Variants in AMER3 observed in about 807,000 individuals in gnomAD.
The protein encoded by AMER3 is APC membrane recruitment protein 3, also known as family with sequence similarity 123C.
For missense variants in AMER3, 1,201 were observed against 1,139.4 expected (o/e 1.05, Z -0.78); for synonymous variants, 541 against 485.5 (o/e 1.11, Z -1.50).
At chr2:130,756,171 C>T (rs1678600800) in intron 1 of AMER3, 1 of 147,954 alleles carries the variant, frequency 6.8e-6, no homozygotes, top group Non-Finnish European at 1.5e-5. Flanking sequence ...CCGGCCCGCC[C>T]CTCCCGCTGG....
chr2:130,761,527 T>C (rs1220300538), intron 1 of AMER3, among the ~76,000 whole-genome samples: 1 of 152,212 alleles, frequency 6.6e-6, no homozygotes, highest in Non-Finnish European at 1.5e-5. Context: ...GATAGAGTCT[T>C]GCCTCCCTGC....
rs1366163706 is a variant in AMER3, at chr2:130,763,298, C to T, written c.1226C>T (p.Ala409Val). ...GAAGCTGAGAGCCCAGGCACTCCTG[C>T]CGCCACCTTCCCACGGGACAGCTAC... ...KKEAESPGTPAATFPRDSYSG... is the reference protein window; with the variant it reads ...KKEAESPGTPVATFPRDSYSG... The change falls in exon 2 of 2, where the codon GCC becomes GTC. Residue 409 changes from alanine to valine, a missense_variant. Ala to Val is a moderately conservative substitution (Grantham distance 64, BLOSUM62 0). Transcript: ENST00000321420. The T allele has an allele frequency of 5.6e-6, 9 of 1,613,754 alleles. No homozygotes were observed. Among genetic ancestry groups the T allele is most frequent in the Non-Finnish European group, 7.6e-6 (9 of 1,180,030 alleles).
chr2:130,764,760 G>A lies in AMER3; in HGVS notation c.*102G>A. On this transcript the variant is annotated 3_prime_UTR_variant, in exon 2 of 2. Coordinates refer to ENST00000321420, the MANE Select transcript of AMER3 (RefSeq NM_152698.3). ...CTTTTGTCCCTGATGTGGGGACTGT[G>A]TTGGGGGTGGGGGGTGGCAGGACTC... The A allele has an allele frequency of 1.5e-6, 2 of 1,343,640 alleles. No individual in the cohort carries two copies. The highest frequency in any genetic ancestry group is 2.0e-6 in the Non-Finnish European group (2 of 1,001,434). 83.2% of individuals were successfully genotyped at this position (1,343,640 alleles called of 1,614,324 possible). A position where few individuals can be genotyped will look rare whatever the true frequency, so the allele number is the denominator to read the frequency against.
At chr2:130,757,265 T>C (rs1235450066) in intron 1 of AMER3, among the ~76,000 whole-genome samples, 1 of 152,176 alleles carries the variant, frequency 6.6e-6, no homozygotes, top group Non-Finnish European at 1.5e-5. Flanking sequence ...ATTTGCCCAA[T>C]TTGCAATAAA....
Position 130,764,116 on chromosome 2 carries a change from G to A in AMER3, c.2044G>A (p.Ala682Thr), listed in dbSNP as rs773878083. ...GGCAGGCTGTGTGGCCCGTGTGGCAGCCCTGAAGATCAGCTCAAACGAACA... is the reference window on the plus strand; with the variant it reads ...GGCAGGCTGTGTGGCCCGTGTGGCAACCCTGAAGATCAGCTCAAACGAACA... The part of the protein sequence containing the change: ...MLAGCVARVA[A>T]LKISSNEQPP... Residue 682 changes from alanine (A) to threonine (T), a missense_variant, in exon 2 of 2, where the codon GCC becomes ACC. Coordinates refer to ENST00000321420, the MANE Select transcript of AMER3 (RefSeq NM_152698.3). 6 of 1,611,850 alleles carry A rather than the reference G, an allele frequency of 3.7e-6. No homozygotes were observed. In the Admixed American group the frequency reaches 8.4e-5, roughly 22 times the overall value.
In AMER3 at chr2:130,763,794, C is replaced by A; in HGVS notation, c.1722C>A (p.Thr574=). The A allele has an allele frequency of 6.2e-7, 1 of 1,610,872 alleles. No individual in the cohort carries two copies. The highest frequency in any genetic ancestry group is 1.1e-5 in the South Asian group (1 of 90,902). The change falls in exon 2 of 2, where the codon ACC becomes ACA. Residue 574 remains threonine (T), a synonymous_variant. Transcript: ENST00000321420. ...SRQELWAHPG[T]TGLLAGESKA... is the part of the protein sequence containing the mutation. ...AGGAGCTGTGGGCACACCCGGGCACCACAGGCCTGCTCGCCGGAGAGAGCA... is the reference window on the plus strand; with the variant it reads ...AGGAGCTGTGGGCACACCCGGGCACAACAGGCCTGCTCGCCGGAGAGAGCA...
chr2:130,756,817 C>T (rs1678625269), intron 1 of AMER3, among the ~76,000 whole-genome samples: 1 of 151,508 alleles, frequency 6.6e-6, no homozygotes, highest in African/African-American at 2.4e-5. Context: ...CCCATTCCCA[C>T]CCCCACCCCA....
At chr2:130,760,818 A>C (rs1361160152) in intron 1 of AMER3, among the ~76,000 whole-genome samples, 1 of 152,102 alleles carries the variant, frequency 6.6e-6, no homozygotes, top group Non-Finnish European at 1.5e-5. Context: ...TTTAAAAACT[A>C]AACCCTAGCT....
rs1035442569 is a variant in AMER3 at position 130,765,390 on chromosome 2, C to T, written c.*732C>T. On this transcript the variant is annotated 3_prime_UTR_variant, in exon 2 of 2. Coordinates refer to ENST00000321420, the MANE Select transcript of AMER3 (RefSeq NM_152698.3). ...CTATGCTTGGTAATTGTGTGCACCT[C>T]GCTTTATACTTGCAGTCATATCATG... is the stretch of plus-strand genomic sequence containing the variant. 6.0e-6 allele frequency: 1 copy of T among 167,004 alleles called. No homozygotes were observed. 10.3% of individuals were successfully genotyped at this position (167,004 alleles called of 1,614,324 possible).
In AMER3 at chr2:130,763,282, A is replaced by C. The variant is rs372500199; in HGVS notation, c.1210A>C (p.Ser404Arg). Residue 404 changes from serine (S) to arginine (R), a missense_variant, in exon 2 of 2, where the codon AGC (serine) becomes CGC (arginine). Ser to Arg is a moderately radical substitution (Grantham distance 110). Coordinates refer to ENST00000321420, the MANE Select transcript of AMER3 (RefSeq NM_152698.3). ...TGAGGAGGACAAGAAGGAAGCTGAG[A>C]GCCCAGGCACTCCTGCCGCCACCTT... is the stretch of plus-strand genomic sequence containing the variant. The part of the protein sequence containing the change: ...GLEEDKKEAE[S>R]PGTPAATFPR... The C allele has an allele frequency of 4.3e-6, 7 of 1,613,638 alleles. No homozygotes were observed. In the African/African-American group the frequency reaches 5.3e-5, roughly 12 times the overall value.
chr2:130,763,247 C>T lies in AMER3; in HGVS notation c.1175C>T (p.Ser392Leu), dbSNP rs774553121. ...GACGAGGGCTACTATGATTCCTTCT[C>T]GCCAGGACTTGAGGAGGACAAGAAG... ...TSDEGYYDSF[S>L]PGLEEDKKEA... Residue 392 changes from serine to leucine, a missense_variant, in exon 2 of 2, where the codon TCG becomes TTG. Ser to Leu is a moderately radical substitution (Grantham distance 145). Coordinates refer to ENST00000321420, the MANE Select transcript of AMER3 (RefSeq NM_152698.3). The T allele has an allele frequency of 4.3e-6, 7 of 1,613,784 alleles. No individual in the cohort carries two copies. Among genetic ancestry groups the T allele is most frequent in the South Asian group, 3.3e-5 (3 of 91,076 alleles).
chr2:130,756,957 G>T (rs1176054309), intron 1 of AMER3, among the ~76,000 whole-genome samples: 1 of 152,116 alleles, frequency 6.6e-6, no homozygotes, highest in Non-Finnish European at 1.5e-5. Context: ...CCCTGGGCCT[G>T]CGCTTTTTTA....
Position 130,762,227 on chromosome 2 carries a change from G to A in AMER3, c.155G>A (p.Gly52Asp). ...CAACAGAGGCCCCACAGTGAGAAGG[G>A]CCCCCAAGCCAGCCCCAGTGCCCAA... Reference protein sequence around the residue: ...GGQQRPHSEKGPQASPSAQEY... With the variant: ...GGQQRPHSEKDPQASPSAQEY... Residue 52 changes from glycine (G) to aspartate (D), a missense_variant, in exon 2 of 2, where the codon GGC becomes GAC. Coordinates refer to ENST00000321420, the MANE Select transcript of AMER3 (RefSeq NM_152698.3). 2 of 1,578,566 alleles carry A rather than the reference G, an allele frequency of 1.3e-6. No homozygotes were observed. The highest frequency in any genetic ancestry group is 8.6e-7 in the Non-Finnish European group (1 of 1,163,186).
chr2:130,757,048 C>T (rs562320125), intron 1 of AMER3, among the ~76,000 whole-genome samples: 3 of 152,220 alleles, frequency 2.0e-5, no homozygotes, highest in Non-Finnish European at 1.5e-5. Flanking sequence ...AAACTATTAG[C>T]CAAACGTTTT....
At chr2:130,759,117 A>G (rs1006831244) in intron 1 of AMER3, among the ~76,000 whole-genome samples, 3 of 152,226 alleles carry the variant, frequency 2.0e-5, no homozygotes, top group East Asian at 1.9e-4. Context: ...ACTAGAGTTC[A>G]TGGGATGCTC....
At chr2:130,761,326 T>C (rs1386886763) in intron 1 of AMER3, among the ~76,000 whole-genome samples, 1 of 152,310 alleles carries the variant, frequency 6.6e-6, no homozygotes, top group East Asian at 1.9e-4. Context: ...AGAAACCTTC[T>C]CTGCATGGCA....
At position 130,767,084 on chromosome 2, in the gene AMER3, C is replaced by G. The variant is rs1679003724; in HGVS notation, c.*2426C>G. The G allele has an allele frequency of 1.8e-5, 3 of 167,070 alleles. No homozygotes were observed. Among genetic ancestry groups the G allele is most frequent in the Non-Finnish European group, 1.5e-5 (1 of 68,150 alleles). 10.3% of individuals were successfully genotyped at this position (167,070 alleles called of 1,614,324 possible). ...GAATGGGGCTGTGGACCTCACTCCC[C>G]AAAATGTCACAACACATGTGCAGCA... On this transcript the variant is annotated 3_prime_UTR_variant, in exon 2 of 2. Coordinates refer to ENST00000321420, the MANE Select transcript of AMER3 (RefSeq NM_152698.3).
At chr2:130,761,775 C>T (rs1438257370) in intron 1 of AMER3, among the ~76,000 whole-genome samples, 1 of 152,216 alleles carries the variant, frequency 6.6e-6, no homozygotes, top group African/African-American at 2.4e-5. Context: ...GCACTCTACA[C>T]AGAACACGGA....
At position 130,762,066 on chromosome 2, in the gene AMER3, T is replaced by G; in HGVS notation, c.-7T>G. On this transcript the variant is annotated 5_prime_UTR_variant, in exon 2 of 2. Transcript: ENST00000321420. ...CTTTCCTCCACAGCAGCTGGGGCAC[T>G]GGCAGCATGGAGCTGAAGAGAGGAA... 2 of 1,608,624 alleles carry G rather than the reference T, an allele frequency of 1.2e-6. No homozygotes were observed. The highest frequency in any genetic ancestry group is 1.7e-6 in the Non-Finnish European group (2 of 1,178,138).
Sources: gnomAD v4.1 joint callset for allele counts (sites outside exome capture counted in the v4.1 genomes callset) on GRCh38, gnomAD v4.1.1 for gene constraint, MANE v1.5 for transcripts, NCBI Gene and HGNC (gene_info 2026-07-23, HGNC 2026-07-21) for gene names.